AHDC1: variants seen among roughly 807,000 people sequenced by gnomAD.
AHDC1 encodes the protein AT-hook DNA binding motif containing 1, also known as transcription factor Gibbin.
AHDC1 carries 7 observed loss-of-function variants against 87.9 expected under a neutral mutation model. The observed-to-expected ratio is 0.08, with a 90% CI of 0.05 to 0.15. The LOEUF is 0.15. Among genes scored for constraint, AHDC1 ranks in the 10% least tolerant of loss-of-function variants. The probability of loss-of-function intolerance (pLI) is 1.00; values close to 1 mark genes in which losing one functional copy is unlikely to be tolerated. For synonymous variants in AHDC1, 1,051 were observed against 1,006.8 expected, an observed-to-expected ratio of 1.04 and a Z score of -0.83; for missense variants, 1,841 against 2,253.2, an observed-to-expected ratio of 0.82 and a Z score of 3.70.
At chr1:27,546,112 C>G (rs1240072316) in intron 8 of AHDC1, among the ~76,000 whole-genome samples, 3 of 152,140 alleles carry the variant, frequency 2.0e-5, no homozygotes, top group Non-Finnish European at 4.4e-5. Context: ...AGAGAAACTC[C>G]CAGGAAGCTT....
chr1:27,547,608 G>A lies in AHDC1; in HGVS notation c.4508C>T (p.Pro1503Leu), dbSNP rs2019240667. The A allele has an allele frequency of 1.2e-6, 2 of 1,604,248 alleles. No individual in the cohort carries two copies. Among genetic ancestry groups the A allele is most frequent in the African/African-American group, 1.3e-5 (1 of 74,760 alleles). The change falls in exon 8 of 9, where the codon CCT (proline) becomes CTT (leucine). Residue 1503 changes from proline to leucine, a missense_variant. By Grantham distance (98) the Pro-to-Leu change is moderately conservative. Transcript: ENST00000673934. The surrounding 1 kb of genome is among the most constrained non-coding windows in gnomAD (Gnocchi z 4.9). Reference sequence around the variant, plus strand: ...CGTGGCTGGTGGGCTAGCCAGGTGAGGGGCACTGAGGCACGCGGCCTCCGT... The same window carrying A: ...CGTGGCTGGTGGGCTAGCCAGGTGAAGGGCACTGAGGCACGCGGCCTCCGT... ...GRTEAACLSAPHLASPPATPK... is the reference protein window; with the variant it reads ...GRTEAACLSALHLASPPATPK...
chr1:27,591,900 A>G (rs1324737299), intron 3 of AHDC1, among the ~76,000 whole-genome samples: 1 of 152,210 alleles, frequency 6.6e-6, no homozygotes, highest in Non-Finnish European at 1.5e-5. Context: ...GTGCTTGAAC[A>G]ATGGTAGCGA....
chr1:27,603,700 C>G (rs1467123101), intron 2 of AHDC1, 28 bp downstream of exon 2: 1 of 144,664 alleles, frequency 6.9e-6, no homozygotes, highest in Non-Finnish European at 1.5e-5. Context: ...CCTGGACACC[C>G]CCGCCCCCAC....
intron 8 of AHDC1, among the ~76,000 whole-genome samples, chr1:27,543,771 C>T (rs2019039877): frequency 6.6e-6 from 1 of 152,042 alleles, no homozygotes; most frequent in Admixed American, 6.6e-5. Flanking sequence ...GGTGAAACCC[C>T]ATCTCTACTA....
At chr1:27,559,580 T>C (rs1284558403) in intron 3 of AHDC1, among the ~76,000 whole-genome samples, 1 of 152,190 alleles carries the variant, frequency 6.6e-6, no homozygotes, top group African/African-American at 2.4e-5. Context: ...TGAGATCTTA[T>C]GAATGGGGAG....
intron 3 of AHDC1, among the ~76,000 whole-genome samples, chr1:27,602,413 C>A (rs1195857918): frequency 6.6e-6 from 1 of 152,148 alleles, no homozygotes; most frequent in Non-Finnish European, 1.5e-5. Flanking sequence ...GCTGGGGAAC[C>A]CCCCCAAGCT....
chr1:27,595,090 G>C lies in AHDC1; in HGVS notation c.-629+8307C>G, dbSNP rs1229330984. Reference sequence around the variant, plus strand: ...AGTTTCAGGAGGTATTAGAAGCTTCGGGGCCTGATCTGTTAGAGATATACT... The same window carrying C: ...AGTTTCAGGAGGTATTAGAAGCTTCCGGGCCTGATCTGTTAGAGATATACT... On this transcript the variant is annotated intron_variant, in intron 3 of 8. Coordinates refer to ENST00000673934, the MANE Select transcript of AHDC1 (RefSeq NM_001371928.1). This position sits in a 1 kb window ranked among gnomAD's most constrained non-coding sequence, Gnocchi z 4.0. 1.3e-5 allele frequency among the ~76,000 whole-genome samples: 2 copies of C among 152,070 alleles called. No homozygotes were observed. The highest frequency in any genetic ancestry group is 4.1e-4 in the South Asian group (2 of 4,820).
rs2089596152 is a variant in AHDC1, at chr1:27,603,373, G to C, written c.-629+24C>G. The C allele has an allele frequency of 1.3e-5, 2 of 152,662 alleles. 1 individual carries two copies. Among genetic ancestry groups the C allele is most frequent in the South Asian group, 4.1e-4 (2 of 4,830 alleles). 9.5% of individuals were successfully genotyped at this position (152,662 alleles called of 1,614,324 possible). A position where few individuals can be genotyped will look rare whatever the true frequency, so the allele number is the denominator to read the frequency against. On this transcript the variant is annotated intron_variant, in intron 3 of 8. Transcript: ENST00000673934. ...CGGCCGGTCCCCAGCGGGGGTCTGGGGCTGGGGAGGAGGCGCCACTCACCG... is the reference window on the plus strand; with the variant it reads ...CGGCCGGTCCCCAGCGGGGGTCTGGCGCTGGGGAGGAGGCGCCACTCACCG...
intron 3 of AHDC1, among the ~76,000 whole-genome samples, chr1:27,585,333 G>A (rs1011517851): frequency 2.0e-5 from 3 of 151,648 alleles, no homozygotes; most frequent in African/African-American, 4.9e-5. Flanking sequence ...TTCAAAGGGC[G>A]GCTCCACCAC....
chr1:27,585,139 TG>T (rs2089014288), intron 3 of AHDC1, among the ~76,000 whole-genome samples: 1 of 151,434 alleles, frequency 6.6e-6, no homozygotes, highest in African/African-American at 2.4e-5. Context: ...GGTGCACACC[TG>T]TAGTCCCAGC....
chr1:27,555,964 G>A (rs1009007356), intron 5 of AHDC1, among the ~76,000 whole-genome samples: 9 of 152,064 alleles, frequency 5.9e-5, no homozygotes, highest in African/African-American at 1.2e-4. Context: ...ACCACACCCC[G>A]GCGGCCATTC....
chr1:27,580,880 G>A (rs1476495006), intron 3 of AHDC1, among the ~76,000 whole-genome samples: 1 of 152,100 alleles, frequency 6.6e-6, no homozygotes, highest in Non-Finnish European at 1.5e-5. Context: ...CTGTCGCCAG[G>A]CTGGAGTGCA....
intron 3 of AHDC1, among the ~76,000 whole-genome samples, chr1:27,579,011 A>C (rs964505608): frequency 1.4e-5 from 2 of 146,714 alleles, no homozygotes; most frequent in African/African-American, 5.1e-5. Context: ...TATGGCTTCT[A>C]TTATGTGTCT....
chr1:27,573,050 A>T (rs1571299359), intron 3 of AHDC1, among the ~76,000 whole-genome samples: 1 of 152,214 alleles, frequency 6.6e-6, no homozygotes, highest in South Asian at 2.1e-4. Context: ...GGCTTGGGTG[A>T]TAAGCCCCCT....
chr1:27,561,554 C>G lies in AHDC1; in HGVS notation c.-628-2671G>C, dbSNP rs2020084979. Among the ~76,000 whole-genome samples the G allele has an allele frequency of 6.6e-6, 1 of 152,112 alleles. No individual in the cohort carries two copies. Among genetic ancestry groups the G allele is most frequent in the South Asian group, 2.1e-4 (1 of 4,820 alleles). ...GCTGGGCTGGGACTAAGGCTCCCTTCACGGTGCTCCAGGCGCAAGGCAGAA... is the reference window on the plus strand; with the variant it reads ...GCTGGGCTGGGACTAAGGCTCCCTTGACGGTGCTCCAGGCGCAAGGCAGAA... On this transcript the variant is annotated intron_variant, in intron 3 of 8. Transcript: ENST00000673934. The surrounding 1 kb of genome is among the most constrained non-coding windows in gnomAD (Gnocchi z 4.2).
In AHDC1 at chr1:27,548,075, G is replaced by A; in HGVS notation, c.4041C>T (p.Tyr1347=). The change falls in exon 8 of 9, where the codon TAC becomes TAT. Residue 1347 remains tyrosine, a synonymous_variant. Transcript: ENST00000673934. ...ERDPCDFIGP[Y]SMNPSTPSDG... ...CGGAAGGCGTGGACGGGTTCATGGA[G>A]TAGGGTCCTATGAAGTCACAGGGGT... The A allele has an allele frequency of 1.2e-6, 2 of 1,613,972 alleles. No homozygotes were observed. The highest frequency in any genetic ancestry group is 1.7e-6 in the Non-Finnish European group (2 of 1,180,036).
At chr1:27,541,001 T>TAAAAAAAAAAAAA (rs55912405) in intron 8 of AHDC1, among the ~76,000 whole-genome samples, 58 of 72,368 alleles carry the variant, frequency 8.0e-4, no homozygotes, top group Middle Eastern at 9.4e-3. Flanking sequence ...CTAAAAATGC[T>TAAAAAAAAAAAAA]AAAAAAAAAA....
intron 3 of AHDC1, among the ~76,000 whole-genome samples, chr1:27,576,788 G>T (rs1012042034): frequency 6.6e-6 from 1 of 152,136 alleles, no homozygotes; most frequent in African/African-American, 2.4e-5. Context: ...CCATCTACCC[G>T]TAGGGACATG....
chr1:27,593,811 TG>T lies in AHDC1; in HGVS notation c.-629+9585del, dbSNP rs2089292906. ...AGAGGCAGGCAGGAGATCGATTCAC[TG>T]AATTTTTTAAGGCCCTAATGGAGCC... On this transcript the variant is annotated intron_variant, in intron 3 of 8. Coordinates refer to ENST00000673934, the MANE Select transcript of AHDC1 (RefSeq NM_001371928.1). This position sits in a 1 kb window ranked among gnomAD's most constrained non-coding sequence, Gnocchi z 4.9. Among the ~76,000 whole-genome samples, 2 of 152,180 alleles carry T rather than the reference TG, an allele frequency of 1.3e-5. No homozygotes were observed. The highest frequency in any genetic ancestry group is 4.8e-5 in the African/African-American group (2 of 41,440).
Sources: gnomAD v4.1 joint callset for allele counts (sites outside exome capture counted in the v4.1 genomes callset) on GRCh38, gnomAD v4.1.1 for gene constraint, Gnocchi (gnomAD v3.1) non-coding constraint, MANE v1.5 for transcripts, NCBI Gene and HGNC (gene_info 2026-07-23, HGNC 2026-07-21) for gene names.